The following ARID2 variants were observed in gnomAD, a reference collection of about 807,000 sequenced individuals.
The protein encoded by ARID2 is AT-rich interactive domain-containing protein 2.
ARID2 carries 32 observed loss-of-function variants against 184.6 expected under a neutral mutation model. That is an observed-to-expected ratio of 0.17 (90% CI 0.13 to 0.23). The LOEUF (loss-of-function observed/expected upper bound fraction) is 0.23, where lower values mean the gene tolerates loss of function less well. Ranked by LOEUF, ARID2 falls within the 10% of genes least tolerant of loss-of-function variation. The pLI, the probability that ARID2 is intolerant of heterozygous loss-of-function variation, is 1.00. For synonymous variants in ARID2, 836 were observed against 772.6 expected (o/e 1.08, Z -1.36); for missense variants, 1,696 against 2,197.6 (o/e 0.77, Z 4.56).
At chr12:45,867,791 A>G (rs922626793) in intron 16 of ARID2, among the ~76,000 whole-genome samples, 4 of 150,826 alleles carry the variant, frequency 2.7e-5, no homozygotes, top group South Asian at 4.3e-4. Context: ...GGGTCTTACT[A>G]TGTTGCCTAA....
intron 3 of ARID2, among the ~76,000 whole-genome samples, chr12:45,761,650 A>T (rs1934397825): frequency 6.6e-6 from 1 of 151,698 alleles, no homozygotes; most frequent in South Asian, 2.1e-4. Context: ...AAGCTTTTAA[A>T]ATTTTGTCTT....
At chr12:45,886,360 G>A (rs1944190297) in intron 16 of ARID2, among the ~76,000 whole-genome samples, 1 of 152,202 alleles carries the variant, frequency 6.6e-6, no homozygotes, top group Non-Finnish European at 1.5e-5. Context: ...CACCCCTGTG[G>A]CTTTGCAGGA....
intron 3 of ARID2, among the ~76,000 whole-genome samples, chr12:45,800,030 T>C (rs1413897262): frequency 1.3e-5 from 2 of 152,194 alleles, no homozygotes; most frequent in East Asian, 1.9e-4. Flanking sequence ...TTAAATTTTA[T>C]GTAGAGATGG....
chr12:45,790,223 A>C (rs1942270773), intron 3 of ARID2, among the ~76,000 whole-genome samples: 1 of 152,224 alleles, frequency 6.6e-6, no homozygotes, highest in South Asian at 2.1e-4. Flanking sequence ...TTAAATGTTC[A>C]TCTTTTTTAT....
intron 15 of ARID2, among the ~76,000 whole-genome samples, chr12:45,858,780 G>C (rs1943695346): frequency 6.6e-6 from 1 of 152,184 alleles, no homozygotes; most frequent in Admixed American, 6.5e-5. Context: ...TGTGAGTCCT[G>C]ATCTGTCAAG....
In ARID2 at chr12:45,852,299, A is replaced by G. The variant is rs1206505796; in HGVS notation, c.4176A>G (p.Pro1392=). The change falls in exon 15 of 21, where the codon CCA becomes CCG. Residue 1392 remains proline, a synonymous_variant. Coordinates refer to ENST00000334344, the MANE Select transcript of ARID2 (RefSeq NM_152641.4). ...ATGTAGGAAATGGTGAGATATCTCC[A>G]ATGGAACCACAAGGGACTTTAGATA... The part of the protein sequence containing the change: ...SNHVGNGEIS[P]MEPQGTLDIT... The G allele has an allele frequency of 1.2e-6, 2 of 1,614,038 alleles. No homozygotes were observed. Among genetic ancestry groups the G allele is most frequent in the Non-Finnish European group, 1.7e-6 (2 of 1,180,014 alleles).
intron 4 of ARID2, among the ~76,000 whole-genome samples, chr12:45,815,306 C>T (rs542001691): frequency 3.9e-5 from 6 of 152,182 alleles, no homozygotes; most frequent in Admixed American, 2.0e-4. Context: ...ACTTTTTCTC[C>T]AGATATTTAT....
At chr12:45,765,486 G>A (rs1941755350) in intron 3 of ARID2, among the ~76,000 whole-genome samples, 2 of 151,324 alleles carry the variant, frequency 1.3e-5, no homozygotes, top group Admixed American at 6.6e-5. Flanking sequence ...GTTGGAATTA[G>A]AGGTTTGAAC....
intron 3 of ARID2, among the ~76,000 whole-genome samples, chr12:45,783,744 G>A (rs900090620): frequency 9.2e-5 from 14 of 152,160 alleles, no homozygotes; most frequent in African/African-American, 2.2e-4. Context: ...TGTGCAGCCC[G>A]GTTCCTAACA....
chr12:45,817,535 A>T (rs920750901), intron 4 of ARID2, 135 bp from the exon 5 acceptor site: 30 of 213,128 alleles, frequency 1.4e-4, no homozygotes, highest in East Asian at 3.0e-4. Flanking sequence ...TTTATATTTT[A>T]TATATATATA....
chr12:45,858,728 G>A (rs376794975), intron 15 of ARID2, among the ~76,000 whole-genome samples: 3 of 152,124 alleles, frequency 2.0e-5, no homozygotes, highest in African/African-American at 4.8e-5. Flanking sequence ...AGGTTAAGTC[G>A]GTAGCCCAAG....
chr12:45,885,589 A>C lies in ARID2; in HGVS notation c.4923-6191A>C, dbSNP rs566290566. The stretch of plus-strand genomic sequence containing the variant: ...CCAAATGAAACTATCTGTATTGTCC[A>C]TTCTTATGCTGCTATAAAGAACTGC... On this transcript the variant is annotated intron_variant, in intron 16 of 20. Transcript: ENST00000334344. Among the ~76,000 whole-genome samples, 7 of 152,344 alleles carry C rather than the reference A, an allele frequency of 4.6e-5. No individual in the cohort carries two copies. In the South Asian group the frequency reaches 1.5e-3, roughly 32 times the overall value.
chr12:45,774,576 T>A (rs1057376119), intron 3 of ARID2, among the ~76,000 whole-genome samples: 18 of 152,284 alleles, frequency 1.2e-4, no homozygotes, highest in Middle Eastern at 3.4e-3. Context: ...CATACTTTTT[T>A]ACCATTTGGG....
intron 3 of ARID2, among the ~76,000 whole-genome samples, chr12:45,792,732 T>C (rs1942315518): frequency 6.6e-6 from 1 of 152,184 alleles, no homozygotes; most frequent in Non-Finnish European, 1.5e-5. Context: ...TGAAATGATA[T>C]CTTCCTGGTC....
At chr12:45,809,604 A>G (rs907603195) in intron 3 of ARID2, among the ~76,000 whole-genome samples, 147 of 152,346 alleles carry the variant, frequency 9.6e-4, no homozygotes, top group African/African-American at 3.1e-3. Context: ...ACCATTTTCA[A>G]TGCTCAAGGA....
intron 20 of ARID2, among the ~76,000 whole-genome samples, chr12:45,902,403 G>C (rs1944471213): frequency 6.6e-6 from 1 of 152,096 alleles, no homozygotes; most frequent in Admixed American, 6.5e-5. Flanking sequence ...TTTTTAACAT[G>C]TGACTATCAC....
intron 18 of ARID2, 74 bp downstream of exon 18, chr12:45,892,170 AC>A: frequency 6.9e-7 from 1 of 1,447,270 alleles, no homozygotes; most frequent in Non-Finnish European, 9.4e-7. Context: ...ATGAAACGCA[AC>A]TTAGCATATT....
At chr12:45,889,928 AC>A (rs1377174001) in intron 16 of ARID2, among the ~76,000 whole-genome samples, 1 of 152,184 alleles carries the variant, frequency 6.6e-6, no homozygotes, top group Non-Finnish European at 1.5e-5. Flanking sequence ...ACAGAGCAAG[AC>A]TCTGTCTCAT....
chr12:45,773,897 T>G (rs955036081), intron 3 of ARID2, among the ~76,000 whole-genome samples: 1 of 152,086 alleles, frequency 6.6e-6, no homozygotes, highest in Non-Finnish European at 1.5e-5. Flanking sequence ...CTTACAGCAG[T>G]TGGTGTGGGA....
Sources: allele counts gnomAD v4.1 joint callset (sites outside exome capture counted in the v4.1 genomes callset), GRCh38; gene constraint gnomAD v4.1.1; transcripts MANE v1.5; gene names NCBI Gene and HGNC (gene_info 2026-07-23, HGNC 2026-07-21).